Variants in ADAMTSL1 observed in about 807,000 individuals in gnomAD.
ADAMTSL1 encodes the protein ADAMTS-like protein 1.
In ADAMTSL1, 126 loss-of-function variants were observed where a neutral mutation model predicts 201.8. The observed-to-expected ratio is 0.62, with a 90% CI of 0.54 to 0.72. The LOEUF is 0.72. ADAMTSL1 is among the 30% of genes least tolerant of loss of function. The pLI is 0.00. For missense variants in ADAMTSL1, 2,679 were observed against 2,277.8 expected, an observed-to-expected ratio of 1.18 and a Z score of -3.59; for synonymous variants, 1,121 against 903.4, an observed-to-expected ratio of 1.24 and a Z score of -4.32.
chr9:18,777,575 C>T lies in ADAMTSL1; in HGVS notation c.3346C>T (p.Gln1116Ter). Residue 1116 changes from glutamine (Q) to a stop codon, truncating the protein, a stop_gained, in exon 19 of 29, where the codon CAG becomes TAG. Transcript: ENST00000380548. LOFTEE classifies it high-confidence loss of function. ...GATCTTCCGCAGCCACCTGGAGCAC[C>T]AGGACACGCTCCTGAAGCCCTCGGA... is the stretch of plus-strand genomic sequence containing the variant. The part of the protein sequence containing the change: ...QEIFRSHLEH[Q>*]DTLLKPSERR... The T allele has an allele frequency of 6.2e-7, 1 of 1,610,274 alleles. No individual in the cohort carries two copies. The highest frequency in any genetic ancestry group is 8.5e-7 in the Non-Finnish European group (1 of 1,178,486).
chr9:18,200,984 C>T (rs987086618), intron 2 of ADAMTSL1, among the ~76,000 whole-genome samples: 1 of 151,956 alleles, frequency 6.6e-6, no homozygotes, highest in Non-Finnish European at 1.5e-5. Flanking sequence ...GAGTTCTAGT[C>T]TTCACCTCTG....
chr9:18,707,886 G>A (rs774174933), intron 14 of ADAMTSL1, among the ~76,000 whole-genome samples: 15 of 152,192 alleles, frequency 9.9e-5, no homozygotes, highest in Non-Finnish European at 1.8e-4. Context: ...GCAGAGGAAG[G>A]CATTGAAATC....
chr9:18,845,088 C>T (rs545279806), intron 23 of ADAMTSL1, among the ~76,000 whole-genome samples: 35 of 152,318 alleles, frequency 2.3e-4, no homozygotes, highest in Admixed American at 1.6e-3. Context: ...GAGATGAACC[C>T]GGTACCTCAG....
intron 1 of ADAMTSL1, among the ~76,000 whole-genome samples, chr9:18,075,779 C>T (rs762484039): frequency 6.6e-6 from 1 of 152,188 alleles, no homozygotes; most frequent in Non-Finnish European, 1.5e-5. Flanking sequence ...CTGACCCAGG[C>T]TTTGGGGCAT....
intron 3 of ADAMTSL1, among the ~76,000 whole-genome samples, chr9:18,540,520 G>A (rs1233710687): frequency 6.6e-6 from 1 of 152,082 alleles, no homozygotes; most frequent in Non-Finnish European, 1.5e-5. Flanking sequence ...TTATTTGGGG[G>A]CCTGTGGGTC....
At chr9:18,443,965 C>G (rs147988733) in intron 2 of ADAMTSL1, among the ~76,000 whole-genome samples, 40 of 152,214 alleles carry the variant, frequency 2.6e-4, no homozygotes, top group Middle Eastern at 6.8e-3. Flanking sequence ...TGGAGATGAT[C>G]TTGTGTTCTA....
At chr9:18,010,089 G>C (rs1040147960) in intron 1 of ADAMTSL1, among the ~76,000 whole-genome samples, 2 of 151,934 alleles carry the variant, frequency 1.3e-5, no homozygotes, top group African/African-American at 4.8e-5. Context: ...TTACCCATGG[G>C]GGCAGTCTAG....
At chr9:18,798,769 C>T (rs73421116) in intron 20 of ADAMTSL1, among the ~76,000 whole-genome samples, 12 of 152,188 alleles carry the variant, frequency 7.9e-5, no homozygotes, top group African/African-American at 2.7e-4. Flanking sequence ...GAGTTTGCCC[C>T]GTCCCGTAGA....
Position 18,800,377 on chromosome 9 carries a change from CAAAAAAAAAAAAAAAAA to C in ADAMTSL1, c.3805+4864_3805+4880del, listed in dbSNP as rs58346548. ...GGGCAACAAGAGGAAAACTCCATCT[CAAAAAAAAAAAAAAAAA>C]AAAAAAAAAAGGAAAAATGGACAGG... On this transcript the variant is annotated intron_variant, in intron 20 of 28. Coordinates refer to ENST00000380548, the MANE Select transcript of ADAMTSL1 (RefSeq NM_001040272.6). 3.5e-4 allele frequency among the ~76,000 whole-genome samples: 21 copies of C among 60,674 alleles called. No homozygotes were observed. In the Admixed American group the frequency reaches 5.1e-3, roughly 15 times the overall value. 39.8% of individuals were successfully genotyped at this position (60,674 alleles called of 152,430 possible).
intron 2 of ADAMTSL1, among the ~76,000 whole-genome samples, chr9:18,384,949 A>G (rs1837727303): frequency 6.6e-6 from 1 of 150,704 alleles, no homozygotes; most frequent in South Asian, 2.1e-4. Context: ...ACAGCTTCTA[A>G]ATCTACACTT....
chr9:18,890,618 A>G (rs1829190905), intron 25 of ADAMTSL1: 2 of 455,756 alleles, frequency 4.4e-6, no homozygotes, highest in African/African-American at 2.0e-5. Flanking sequence ...GCTCATTAAT[A>G]TCAGCAGTTT....
At chr9:18,149,524 C>T (rs36114099) in intron 1 of ADAMTSL1, among the ~76,000 whole-genome samples, 350 of 152,114 alleles carry the variant, frequency 2.3e-3, no homozygotes, top group Non-Finnish European at 4.0e-3. Context: ...TGGAGCACAA[C>T]ATCACATCAC....
At position 17,909,235 on chromosome 9, in the gene ADAMTSL1, G is replaced by A. The variant is rs1454189759; in HGVS notation, c.87+2313G>A. ...TCTGGGTATTAGCCCTTTGTCAGAT[G>A]AGTAGGTTGCAAAAATTTTCTCCCA... On this transcript the variant is annotated intron_variant, in intron 1 of 29. Coordinates refer to the ADAMTSL1 transcript ENST00000680146. 2.4e-4 allele frequency among the ~76,000 whole-genome samples: 35 copies of A among 147,542 alleles called. No homozygotes were observed. The East Asian group carries it at 6.2e-3, about 26-fold the overall frequency.
intron 2 of ADAMTSL1, among the ~76,000 whole-genome samples, chr9:18,530,923 A>G (rs947975501): frequency 6.6e-6 from 1 of 152,218 alleles, no homozygotes; most frequent in African/African-American, 2.4e-5. Context: ...ATTGAAAAGC[A>G]TACCACATTT....
At chr9:18,415,086 C>G (rs1343014219) in intron 2 of ADAMTSL1, among the ~76,000 whole-genome samples, 2 of 152,308 alleles carry the variant, frequency 1.3e-5, no homozygotes, top group Admixed American at 1.3e-4. Flanking sequence ...TTAAATGCAG[C>G]TCAGAACAAA....
intron 1 of ADAMTSL1, among the ~76,000 whole-genome samples, chr9:18,503,583 TATG>T (rs1564002083): frequency 2.6e-5 from 4 of 151,992 alleles, no homozygotes; most frequent in Non-Finnish European, 4.4e-5. Flanking sequence ...ATCTCCATCT[TATG>T]ATAAGAAAAC....
At chr9:18,099,391 T>A (rs1449028608) in intron 1 of ADAMTSL1, among the ~76,000 whole-genome samples, 1 of 137,810 alleles carries the variant, frequency 7.3e-6, no homozygotes, top group Non-Finnish European at 1.5e-5. Context: ...TTAATTTTAC[T>A]AGGCTATGCT....
At chr9:18,233,860 A>G (rs953001558) in intron 2 of ADAMTSL1, among the ~76,000 whole-genome samples, 3 of 152,176 alleles carry the variant, frequency 2.0e-5, no homozygotes, top group Admixed American at 6.6e-5. Context: ...CATGAGAGGC[A>G]AGGGAGGCAC....
intron 1 of ADAMTSL1, among the ~76,000 whole-genome samples, chr9:18,022,252 C>G (rs1820507980): frequency 6.6e-6 from 1 of 152,102 alleles, no homozygotes; most frequent in Non-Finnish European, 1.5e-5. Context: ...GCCAGTACCT[C>G]ATGTTGACCT....
Sources: allele counts gnomAD v4.1 joint callset (sites outside exome capture counted in the v4.1 genomes callset), GRCh38; gene constraint gnomAD v4.1.1; transcripts MANE v1.5; gene names NCBI Gene and HGNC (gene_info 2026-07-23, HGNC 2026-07-21).